The following DAAM2 variants were observed in gnomAD, a reference collection of about 807,000 sequenced individuals.
DAAM2 encodes the protein disheveled-associated activator of morphogenesis 2.
Under a neutral mutation model 120.7 loss-of-function variants are expected in DAAM2, and 39 were observed. That is an observed-to-expected ratio of 0.32 (90% CI 0.25 to 0.42). DAAM2 has a LOEUF of 0.42. Among genes scored for constraint, DAAM2 ranks in the 10% least tolerant of loss-of-function variants. DAAM2 has a pLI of 1.00. For missense variants in DAAM2, 1,283 were observed against 1,401.7 expected (o/e 0.92, Z 1.35); for synonymous variants, 488 against 524.9 (o/e 0.93, Z 0.96).
chr6:39,887,670 G>C, intron 16 of DAAM2, 78 bp downstream of exon 16: 2 of 954,718 alleles, frequency 2.1e-6, no homozygotes, highest in Admixed American at 4.0e-5. Flanking sequence ...GGCAGTCTCG[G>C]GCCTCTCCCT....
chr6:39,900,252 C>T (rs1416012633), intron 23 of DAAM2, 44 bp downstream of exon 23: 2 of 1,594,678 alleles, frequency 1.3e-6, no homozygotes, highest in East Asian at 2.3e-5. Flanking sequence ...CCAGCCTTAT[C>T]TAAACAAGCT....
chr6:39,813,746 T>C (rs1202742477), intron 1 of DAAM2, among the ~76,000 whole-genome samples: 1 of 152,178 alleles, frequency 6.6e-6, no homozygotes, highest in Non-Finnish European at 1.5e-5. Flanking sequence ...AAACAACACT[T>C]GGAGAATCTG....
intron 19 of DAAM2, among the ~76,000 whole-genome samples, chr6:39,896,276 C>T (rs1161893740): frequency 6.6e-6 from 1 of 152,000 alleles, no homozygotes; most frequent in Non-Finnish European, 1.5e-5. Context: ...AATCTTGGCT[C>T]ACTGCAGCCT....
chr6:39,901,895 A>G lies in DAAM2; in HGVS notation c.3065A>G (p.Glu1022Gly). 1 of 1,603,980 alleles carries G rather than the reference A, an allele frequency of 6.2e-7. No homozygotes were observed. The highest frequency in any genetic ancestry group is 8.5e-7 in the Non-Finnish European group (1 of 1,172,676). Residue 1022 changes from glutamate (E) to glycine (G), a missense_variant, in exon 25 of 25, where the codon GAG becomes GGG. By Grantham distance (98) the Glu-to-Gly change is moderately conservative. Around this residue, in one of 3 missense-constraint regions of DAAM2, gnomAD observed 748 missense variants for 768.6 expected, o/e 0.97. Coordinates refer to ENST00000274867, the MANE Select transcript of DAAM2 (RefSeq NM_001201427.2). This position sits in a 1 kb window ranked among gnomAD's most constrained non-coding sequence, Gnocchi z 4.5. ...GGCAGCTCGCTGGAGGAGGGAGGAG[A>G]GTTCGATGACCTGGTGTCGGCCCTG... ...AAGSSLEEGG[E>G]FDDLVSALRS... is the part of the protein sequence containing the mutation.
chr6:39,842,627 C>T (rs766305387), intron 1 of DAAM2, among the ~76,000 whole-genome samples: 8 of 151,694 alleles, frequency 5.3e-5, no homozygotes, highest in South Asian at 2.1e-4. Context: ...ACAGAGACTC[C>T]GTCTCAAAAT....
rs1278068012 is a variant in DAAM2 at position 39,839,436 on chromosome 6, GT to G, written c.-56-16810del. Among the ~76,000 whole-genome samples, 4 of 152,200 alleles carry G rather than the reference GT, an allele frequency of 2.6e-5. No individual in the cohort carries two copies. The East Asian group carries it at 7.7e-4, about 29-fold the overall frequency. ...CTTAGTTTGAGATGTTCTGTTGAAA[GT>G]GGAAAAAACAGGAATTAAATTGAGA... On this transcript the variant is annotated intron_variant, in intron 1 of 24. Coordinates refer to ENST00000274867, the MANE Select transcript of DAAM2 (RefSeq NM_001201427.2).
At chr6:39,869,780 T>TTTTAA (rs1554181763) in intron 7 of DAAM2, among the ~76,000 whole-genome samples, 1 of 99,168 alleles carries the variant, frequency 1.0e-5, no homozygotes. Context: ...TTTTTTTTTT[T>TTTTAA]AAAAACAATT....
chr6:39,869,753 CTTTTTTTTTTT>C lies in DAAM2; in HGVS notation c.874-570_874-560del, dbSNP rs531295826. 1.6e-4 allele frequency among the ~76,000 whole-genome samples: 16 copies of C among 102,020 alleles called. No individual in the cohort carries two copies. In the East Asian group the frequency reaches 1.9e-3, roughly 12 times the overall value. The allele number at this position is 102,020 out of a possible 152,430, so 66.9% of individuals were successfully genotyped here. ...CTTTCCCCTCTTTTCCGCCAGCATA[CTTTTTTTTTTT>C]TTTTTTTTTTTTTTTTAAAAACAAT... On this transcript the variant is annotated intron_variant, in intron 7 of 24. Transcript: ENST00000274867.
chr6:39,849,287 G>A (rs1052209685), intron 1 of DAAM2, among the ~76,000 whole-genome samples: 11 of 152,128 alleles, frequency 7.2e-5, no homozygotes, highest in African/African-American at 2.7e-4. Flanking sequence ...CAGTCCGTGG[G>A]CTGAACATGG....
chr6:39,883,246 C>T (rs1765216912), intron 14 of DAAM2, among the ~76,000 whole-genome samples: 1 of 150,722 alleles, frequency 6.6e-6, no homozygotes, highest in Admixed American at 6.6e-5. Context: ...AAGGGTCCTA[C>T]ACAGAGATGG....
intron 1 of DAAM2, among the ~76,000 whole-genome samples, chr6:39,812,079 A>G (rs1046629316): frequency 5.9e-5 from 9 of 152,154 alleles, no homozygotes; most frequent in African/African-American, 1.9e-4. Context: ...CAGAACTAAC[A>G]AAGGCTACCA....
At chr6:39,874,451 A>C (rs546554634) in intron 10 of DAAM2, among the ~76,000 whole-genome samples, 6 of 152,308 alleles carry the variant, frequency 3.9e-5, no homozygotes, top group African/African-American at 1.4e-4. Flanking sequence ...AGGGCATAGA[A>C]ATCTCTGGGA....
At chr6:39,900,957 A>C (rs574664507) in intron 23 of DAAM2, among the ~76,000 whole-genome samples, 1 of 152,152 alleles carries the variant, frequency 6.6e-6, no homozygotes, top group Non-Finnish European at 1.5e-5. Context: ...GGTTATTAAC[A>C]TAACTAGAGG....
In DAAM2 at chr6:39,903,789, G is replaced by A. The variant is rs191208653; in HGVS notation, c.*1752G>A. The A allele has an allele frequency of 9.0e-5, 17 of 189,744 alleles. No homozygotes were observed. The highest frequency in any genetic ancestry group is 1.4e-4 in the Non-Finnish European group (13 of 90,854). 11.8% of individuals were successfully genotyped at this position (189,744 alleles called of 1,614,324 possible). ...CAGGGTCGGTGAGCCCAGCATGTGCGTTGGTTTGAGGGGGCGGGCGGTGTG... is the reference window on the plus strand; with the variant it reads ...CAGGGTCGGTGAGCCCAGCATGTGCATTGGTTTGAGGGGGCGGGCGGTGTG... On this transcript the variant is annotated 3_prime_UTR_variant, in exon 25 of 25. Transcript: ENST00000274867.
chr6:39,866,967 T>G (rs1764457607), intron 5 of DAAM2, among the ~76,000 whole-genome samples: 1 of 152,252 alleles, frequency 6.6e-6, no homozygotes, highest in African/African-American at 2.4e-5. Flanking sequence ...CTGTGAATGC[T>G]ATCCATAGAT....
chr6:39,883,795 CAA>C (rs1468185300), intron 14 of DAAM2, 165 bp from the exon 15 acceptor site: 3 of 612,618 alleles, frequency 4.9e-6, no homozygotes, highest in Non-Finnish European at 8.9e-6. Flanking sequence ...GCAGAGTATT[CAA>C]GAGAGTTGGA....
intron 1 of DAAM2, chr6:39,821,002 C>T (rs1762470454): frequency 6.6e-6 from 1 of 152,236 alleles, no homozygotes; most frequent in South Asian, 2.1e-4. Context: ...TGTTCTACAT[C>T]AGGAAAGTGG....
intron 9 of DAAM2, among the ~76,000 whole-genome samples, chr6:39,872,776 G>A (rs531210478): frequency 6.6e-6 from 1 of 152,036 alleles, no homozygotes; most frequent in African/African-American, 2.4e-5. Flanking sequence ...CCAGGTGGTG[G>A]ACCTGCGCCA....
chr6:39,901,009 AG>A lies in DAAM2; in HGVS notation c.2812-291del, dbSNP rs1766445400. 6.6e-6 allele frequency among the ~76,000 whole-genome samples: 1 copy of A among 152,160 alleles called. No individual in the cohort carries two copies. The highest frequency in any genetic ancestry group is 1.5e-5 in the Non-Finnish European group (1 of 68,020). ...GTTCTGCCAGCCTCTTCCTGACCTCAGGAAGGGCTTCCCAAGGTCTATACCC... is the reference window on the plus strand; with the variant it reads ...GTTCTGCCAGCCTCTTCCTGACCTCAGAAGGGCTTCCCAAGGTCTATACCC... On this transcript the variant is annotated intron_variant, in intron 23 of 24. Transcript: ENST00000274867. This position sits in a 1 kb window ranked among gnomAD's most constrained non-coding sequence, Gnocchi z 4.5.
Sources: allele counts gnomAD v4.1 joint callset (sites outside exome capture counted in the v4.1 genomes callset), GRCh38; gene constraint gnomAD v4.1.1; regional missense constraint gnomAD v4.1.1; non-coding constraint Gnocchi (gnomAD v3.1); transcripts MANE v1.5; gene names NCBI Gene and HGNC (gene_info 2026-07-23, HGNC 2026-07-21).